DDX10: variants seen among roughly 807,000 people sequenced by gnomAD.
DDX10 encodes probable ATP-dependent RNA helicase DDX10.
DDX10 carries 74 observed loss-of-function variants against 104.3 expected under a neutral mutation model. The ratio of observed to expected loss-of-function variants is 0.71; its 90% confidence interval spans 0.59 to 0.86. The LOEUF (loss-of-function observed/expected upper bound fraction) is 0.86, where lower values mean the gene tolerates loss of function less well. Ranked by LOEUF, DDX10 falls within the 40% of genes least tolerant of loss-of-function variation. DDX10 has a pLI of 0.00. For synonymous variants in DDX10, 351 were observed against 353.4 expected, an observed-to-expected ratio of 0.99 and a Z score of 0.08; for missense variants, 952 against 1,040.0, an observed-to-expected ratio of 0.92 and a Z score of 1.16.
intron 15 of DDX10, among the ~76,000 whole-genome samples, chr11:108,848,365 C>T (rs1862747040): frequency 6.6e-6 from 1 of 152,118 alleles, no homozygotes; most frequent in African/African-American, 2.4e-5. Context: ...TCAGAAGTGT[C>T]ATCTTGAGGA....
intron 13 of DDX10, among the ~76,000 whole-genome samples, chr11:108,829,821 C>T (rs1305885199): frequency 1.3e-5 from 2 of 152,194 alleles, no homozygotes; most frequent in East Asian, 3.8e-4. Flanking sequence ...TATACCAGCA[C>T]TATTTGTCGA....
chr11:108,689,520 G>C (rs1010613801), intron 7 of DDX10, among the ~76,000 whole-genome samples: 3 of 152,172 alleles, frequency 2.0e-5, no homozygotes, highest in Non-Finnish European at 4.4e-5. Flanking sequence ...TGTTATGCCT[G>C]AAAGTCCCTT....
intron 13 of DDX10, among the ~76,000 whole-genome samples, chr11:108,728,705 G>T (rs554610097): frequency 1.3e-5 from 2 of 151,832 alleles, no homozygotes; most frequent in South Asian, 2.1e-4. Flanking sequence ...TTTTGTAGAG[G>T]TGGGTTCTTT....
intron 17 of DDX10, among the ~76,000 whole-genome samples, chr11:108,937,282 C>T (rs966756308): frequency 6.6e-5 from 10 of 152,164 alleles, no homozygotes; most frequent in African/African-American, 2.2e-4. Context: ...TTTTGTTTCT[C>T]GTGAAATTAA....
chr11:108,766,843 T>C (rs1014001800), intron 13 of DDX10, among the ~76,000 whole-genome samples: 1 of 152,160 alleles, frequency 6.6e-6, no homozygotes, highest in African/African-American at 2.4e-5. Flanking sequence ...TACACATCGT[T>C]GGTAGAGTAA....
intron 13 of DDX10, among the ~76,000 whole-genome samples, chr11:108,824,879 C>G (rs1862374906): frequency 6.6e-6 from 1 of 151,966 alleles, no homozygotes; most frequent in Non-Finnish European, 1.5e-5. Context: ...TTAAACAAAC[C>G]AAGGAAAATG....
intron 9 of DDX10, among the ~76,000 whole-genome samples, chr11:108,694,444 G>C (rs1207175182): frequency 6.6e-6 from 1 of 152,142 alleles, no homozygotes; most frequent in Non-Finnish European, 1.5e-5. Context: ...TGGAATCATA[G>C]ATATCTCTTT....
At chr11:108,874,850 T>G (rs1863130819) in intron 16 of DDX10, among the ~76,000 whole-genome samples, 1 of 152,208 alleles carries the variant, frequency 6.6e-6, no homozygotes, top group Admixed American at 6.5e-5. Flanking sequence ...AGTGAAATGC[T>G]GCATTACTTC....
intron 16 of DDX10, among the ~76,000 whole-genome samples, chr11:108,869,449 A>G (rs1442407792): frequency 6.6e-6 from 1 of 152,144 alleles, no homozygotes; most frequent in Non-Finnish European, 1.5e-5. Context: ...TCTTTTGTCA[A>G]TTGTGAATTG....
chr11:108,723,566 T>A, intron 13 of DDX10, 104 bp downstream of exon 13: 1 of 1,163,206 alleles, frequency 8.6e-7, no homozygotes, highest in Admixed American at 3.0e-5. Flanking sequence ...AAACTTAGAC[T>A]GGGTTTCTTT....
At chr11:108,762,224 T>C (rs2094351634) in intron 13 of DDX10, among the ~76,000 whole-genome samples, 1 of 152,186 alleles carries the variant, frequency 6.6e-6, no homozygotes. Flanking sequence ...AAAACAGGCA[T>C]CTACTAGTGA....
At chr11:108,823,127 A>C (rs1476088280) in intron 13 of DDX10, among the ~76,000 whole-genome samples, 1 of 152,166 alleles carries the variant, frequency 6.6e-6, no homozygotes, top group East Asian at 1.9e-4. Context: ...TGTTTTTTTA[A>C]AATCACCACT....
At chr11:108,917,021 A>G (rs186719262) in intron 16 of DDX10, among the ~76,000 whole-genome samples, 96 of 151,978 alleles carry the variant, frequency 6.3e-4, no homozygotes, top group Middle Eastern at 6.8e-3. Flanking sequence ...ATTTGAATTT[A>G]GAAGACCCAT....
intron 10 of DDX10, among the ~76,000 whole-genome samples, chr11:108,711,828 T>G (rs762570584): frequency 6.6e-6 from 1 of 152,220 alleles, no homozygotes; most frequent in Non-Finnish European, 1.5e-5. Context: ...TCCAGTTGAT[T>G]GATGGTATTG....
At chr11:108,761,089 G>A (rs1293476642) in intron 13 of DDX10, among the ~76,000 whole-genome samples, 2 of 151,976 alleles carry the variant, frequency 1.3e-5, no homozygotes, top group African/African-American at 2.4e-5. Context: ...AATAATTTTC[G>A]AGTTCTCATC....
chr11:108,813,358 G>A (rs1325176904), intron 13 of DDX10, among the ~76,000 whole-genome samples: 1 of 152,132 alleles, frequency 6.6e-6, no homozygotes, highest in Admixed American at 6.5e-5. Flanking sequence ...ACCTTTACAT[G>A]TCTTATTTTA....
At chr11:108,876,464 G>T (rs1863155494) in intron 16 of DDX10, among the ~76,000 whole-genome samples, 1 of 152,154 alleles carries the variant, frequency 6.6e-6, no homozygotes, top group South Asian at 2.1e-4. Flanking sequence ...CATGAGGTAT[G>T]AGGAACAGTT....
intron 13 of DDX10, among the ~76,000 whole-genome samples, chr11:108,733,589 C>T (rs890521526): frequency 6.6e-6 from 1 of 152,098 alleles, no homozygotes; most frequent in Non-Finnish European, 1.5e-5. Context: ...GTTAGTGAAG[C>T]GCTAGCACTG....
At chr11:108,715,112 G>A (rs1591799063) in intron 10 of DDX10, among the ~76,000 whole-genome samples, 1 of 147,198 alleles carries the variant, frequency 6.8e-6, no homozygotes, top group African/African-American at 2.4e-5. Context: ...TATCATCTCT[G>A]TTATAGTATG....
Sources: allele counts gnomAD v4.1 joint callset (sites outside exome capture counted in the v4.1 genomes callset), GRCh38; gene constraint gnomAD v4.1.1; transcripts MANE v1.5; gene names NCBI Gene and HGNC (gene_info 2026-07-23, HGNC 2026-07-21).